GRM7: variants seen among roughly 807,000 people sequenced by gnomAD.
GRM7 encodes glutamate metabotropic receptor 7, also known as metabotropic glutamate receptor 7.
GRM7 carries 35 observed loss-of-function variants against 84.5 expected under a neutral mutation model. That is an observed-to-expected ratio of 0.41 (90% CI 0.32 to 0.55). The LOEUF (loss-of-function observed/expected upper bound fraction) is 0.55, where lower values mean the gene tolerates loss of function less well. Among genes scored for constraint, GRM7 ranks in the 20% least tolerant of loss-of-function variants. GRM7 has a pLI of 0.19. For missense variants in GRM7, 1,003 were observed against 1,194.6 expected (o/e 0.84, Z 2.36); for synonymous variants, 487 against 455.1 (o/e 1.07, Z -0.89).
chr3:7,045,287 A>G (rs180746472), intron 1 of GRM7, among the ~76,000 whole-genome samples: 1 of 152,272 alleles, frequency 6.6e-6, no homozygotes, highest in East Asian at 1.9e-4. Context: ...TGGTATGGGC[A>G]TTTTATAAGA....
chr3:7,597,506 A>G (rs1474391792), intron 8 of GRM7, among the ~76,000 whole-genome samples: 3 of 152,154 alleles, frequency 2.0e-5, no homozygotes, highest in Admixed American at 2.0e-4. Context: ...TAGTTTGCTG[A>G]CCCCTGCAGT....
At chr3:7,317,733 GT>G (rs992907245) in intron 4 of GRM7, among the ~76,000 whole-genome samples, 1 of 151,546 alleles carries the variant, frequency 6.6e-6, no homozygotes, top group Non-Finnish European at 1.5e-5. Context: ...TATTGAGAAT[GT>G]TTTTTAGCCC....
intron 7 of GRM7, among the ~76,000 whole-genome samples, chr3:7,534,585 C>T (rs1281594856): frequency 6.6e-6 from 1 of 152,084 alleles, no homozygotes; most frequent in Non-Finnish European, 1.5e-5. Context: ...ACCCAGAATC[C>T]AAGTGTCTCA....
In GRM7 at chr3:7,309,842, C is replaced by T. The variant is rs566194006; in HGVS notation, c.1033+3190C>T. On this transcript the variant is annotated intron_variant, in intron 4 of 9. Transcript: ENST00000357716. ...TGGAGGGGTGGCTGTGGTCCCGCTGCCTGCCCAGTGTTTATGGGAAATCTG... is the reference window on the plus strand; with the variant it reads ...TGGAGGGGTGGCTGTGGTCCCGCTGTCTGCCCAGTGTTTATGGGAAATCTG... 2.0e-3 allele frequency among the ~76,000 whole-genome samples: 311 copies of T among 152,218 alleles called. 1 individual carries two copies. Among genetic ancestry groups the T allele is most frequent in the Non-Finnish European group, 3.7e-3 (255 of 68,022 alleles).
At position 6,862,858 on chromosome 3, in the gene GRM7, G is replaced by C. The variant is rs1694808399; in HGVS notation, c.519+951G>C. The C allele has an allele frequency of 2.8e-6, 1 of 357,640 alleles. No homozygotes were observed. Among genetic ancestry groups the C allele is most frequent in the South Asian group, 2.0e-5 (1 of 49,584 alleles). The allele number at this position is 357,640 out of a possible 1,614,324, so 22.2% of individuals were successfully genotyped here. ...GGGGTGCGTGAAGCGGGGCCCCGTG[G>C]TCCTCCTGCTCCGGTGCCGGAGGGA... On this transcript the variant is annotated intron_variant, in intron 1 of 9. Transcript: ENST00000357716. This position sits in a 1 kb window ranked among gnomAD's most constrained non-coding sequence, Gnocchi z 5.2.
intron 3 of GRM7, among the ~76,000 whole-genome samples, chr3:7,299,772 T>G (rs1037720306): frequency 2.6e-5 from 4 of 152,132 alleles, no homozygotes; most frequent in African/African-American, 9.7e-5. Flanking sequence ...AGGCAGAATT[T>G]TATTTTACAT....
chr3:6,996,368 A>G (rs144879135), intron 1 of GRM7, among the ~76,000 whole-genome samples: 84 of 152,288 alleles, frequency 5.5e-4, no homozygotes, highest in African/African-American at 2.0e-3. Context: ...AATTTTTAAT[A>G]GAATTATTTC....
intron 2 of GRM7, among the ~76,000 whole-genome samples, chr3:7,272,539 A>G (rs986635884): frequency 6.6e-5 from 10 of 152,166 alleles, no homozygotes; most frequent in African/African-American, 2.4e-4. Flanking sequence ...TAATGTGTAC[A>G]TATTCAAATT....
At chr3:7,071,938 T>G (rs965906648) in intron 1 of GRM7, among the ~76,000 whole-genome samples, 1 of 152,070 alleles carries the variant, frequency 6.6e-6, no homozygotes, top group African/African-American at 2.4e-5. Context: ...CAGAGAACGG[T>G]CTACCAAAAA....
At chr3:7,219,553 C>A (rs1014807993) in intron 2 of GRM7, among the ~76,000 whole-genome samples, 2 of 152,186 alleles carry the variant, frequency 1.3e-5, no homozygotes, top group Non-Finnish European at 2.9e-5. Flanking sequence ...GAGGCACCTT[C>A]ATGATCTATG....
At chr3:7,297,591 G>C (rs1035421115) in intron 2 of GRM7, among the ~76,000 whole-genome samples, 2 of 152,090 alleles carry the variant, frequency 1.3e-5, no homozygotes, top group African/African-American at 4.8e-5. Context: ...CACTAATTGG[G>C]ATTCCAGTGT....
chr3:7,735,772 C>T (rs1015797206), intron 9 of GRM7, among the ~76,000 whole-genome samples: 1 of 152,110 alleles, frequency 6.6e-6, no homozygotes, highest in African/African-American at 2.4e-5. Context: ...TCACTTTGCA[C>T]CTTTATGTGC....
At chr3:7,542,274 G>A (rs1433893354) in intron 7 of GRM7, among the ~76,000 whole-genome samples, 1 of 152,140 alleles carries the variant, frequency 6.6e-6, no homozygotes, top group Non-Finnish European at 1.5e-5. Context: ...CTATGATCCA[G>A]TGCTTTTCTC....
chr3:6,906,753 A>T (rs1050677816), intron 1 of GRM7, among the ~76,000 whole-genome samples: 5 of 152,064 alleles, frequency 3.3e-5, no homozygotes, highest in African/African-American at 2.4e-5. Context: ...CATTTTTCTT[A>T]TGTTTTTAGC....
At chr3:7,632,936 T>A (rs886532965) in intron 8 of GRM7, among the ~76,000 whole-genome samples, 15 of 152,264 alleles carry the variant, frequency 9.9e-5, no homozygotes, top group African/African-American at 3.6e-4. Flanking sequence ...ATAGTGTTGA[T>A]AGCCAGTTTT....
Position 7,282,721 on chromosome 3 carries a change from T to G in GRM7, c.737-15963T>G, listed in dbSNP as rs116087670. ...TTGATTAGACCTAATTAAGATTGTG[T>G]TTTTTTTGCAGTGCTTCTCAAAATG... On this transcript the variant is annotated intron_variant, in intron 2 of 9. Transcript: ENST00000357716. Among the ~76,000 whole-genome samples, 1,060 of 151,994 alleles carry G rather than the reference T, an allele frequency of 7.0e-3. 8 individuals are homozygous for G. The highest frequency in any genetic ancestry group is 0.017 in the Middle Eastern group (5 of 294).
In GRM7 at chr3:7,631,955, G is replaced by A. The variant is rs73810809; in HGVS notation, c.2452-48094G>A. 4.9e-3 allele frequency among the ~76,000 whole-genome samples: 753 copies of A among 152,248 alleles called. 4 individuals are homozygous for A. Among genetic ancestry groups the A allele is most frequent in the African/African-American group, 0.017 (696 of 41,532 alleles). On this transcript the variant is annotated intron_variant, in intron 8 of 9. Coordinates refer to ENST00000357716, the MANE Select transcript of GRM7 (RefSeq NM_000844.4). ...GAGTCAGAGAGTGGAACTAATATAC[G>A]TTAGGTGGTTAGAAATAATCTCTTT... is the stretch of plus-strand genomic sequence containing the variant.
intron 1 of GRM7, among the ~76,000 whole-genome samples, chr3:6,901,210 T>C (rs1050238901): frequency 4.3e-4 from 66 of 152,312 alleles, no homozygotes; most frequent in African/African-American, 1.4e-3. Context: ...TAATCATACA[T>C]ATTATACAAC....
At chr3:7,248,308 C>G (rs889419795) in intron 2 of GRM7, among the ~76,000 whole-genome samples, 1 of 152,124 alleles carries the variant, frequency 6.6e-6, no homozygotes, top group Non-Finnish European at 1.5e-5. Flanking sequence ...ACTACTAATA[C>G]ACACAACTGT....
Sources: allele counts gnomAD v4.1 joint callset (sites outside exome capture counted in the v4.1 genomes callset), GRCh38; gene constraint gnomAD v4.1.1; non-coding constraint Gnocchi (gnomAD v3.1); transcripts MANE v1.5; gene names NCBI Gene and HGNC (gene_info 2026-07-23, HGNC 2026-07-21).